ZFHX3: variants seen among roughly 807,000 people sequenced by gnomAD.
ZFHX3 encodes the protein zinc finger homeobox protein 3.
A neutral mutation model predicts 279.1 loss-of-function variants in ZFHX3; 42 were observed. The ratio of observed to expected loss-of-function variants is 0.15; its 90% CI spans 0.12 to 0.19. The LOEUF (loss-of-function observed/expected upper bound fraction) is 0.19. ZFHX3 is among the 10% of genes least tolerant of loss of function. The probability of loss-of-function intolerance (pLI) is 1.00; values close to 1 mark genes in which losing one functional copy is unlikely to be tolerated. For missense variants in ZFHX3, 4,981 were observed against 4,754.0 expected, an observed-to-expected ratio of 1.05 and a Z score of -1.40; for synonymous variants, 2,293 against 1,957.8, an observed-to-expected ratio of 1.17 and a Z score of -4.52.
intron 1 of ZFHX3, among the ~76,000 whole-genome samples, chr16:72,987,365 G>C (rs1458804807): frequency 6.6e-6 from 1 of 152,204 alleles, no homozygotes; most frequent in African/African-American, 2.4e-5. Flanking sequence ...AAAGTAAGAT[G>C]ATGTGGAGGC....
chr16:72,998,216 C>T (rs1257406445), intron 1 of ZFHX3, among the ~76,000 whole-genome samples: 1 of 152,164 alleles, frequency 6.6e-6, no homozygotes, highest in East Asian at 1.9e-4. Context: ...GCCTGGCCAA[C>T]ATGGTGAAAC....
intron 4 of ZFHX3, among the ~76,000 whole-genome samples, chr16:72,880,535 G>A (rs1157810928): frequency 6.6e-6 from 1 of 152,164 alleles, no homozygotes; most frequent in Non-Finnish European, 1.5e-5. Context: ...TGAACCTTTA[G>A]CGTCCAGAAC....
chr16:73,729,613 G>T (rs1195663231), intron 1 of ZFHX3, among the ~76,000 whole-genome samples: 1 of 151,236 alleles, frequency 6.6e-6, no homozygotes, highest in Non-Finnish European at 1.5e-5. Context: ...TCAAATCCTT[G>T]CCCTAAGGTC....
chr16:73,230,198 TAGATGCTAG>T (rs2144929737), intron 5 of ZFHX3, among the ~76,000 whole-genome samples: 1 of 152,284 alleles, frequency 6.6e-6, no homozygotes, highest in East Asian at 1.9e-4. Context: ...GATGAATGAA[TAGATGCTAG>T]AGATTGATGA....
rs1201311213 is a variant in ZFHX3 at position 73,182,943 on chromosome 16, G to A, written c.-1103-39112C>T. 2.0e-5 allele frequency among the ~76,000 whole-genome samples: 3 copies of A among 152,308 alleles called. No homozygotes were observed. In the East Asian group the frequency reaches 5.8e-4, roughly 29 times the overall value. Reference sequence around the variant, plus strand: ...CTTGGGGCCGGGCGTGGTGGCTCACGCCTGTAATCCCAGCACTTTGGAAGG... The same window carrying A: ...CTTGGGGCCGGGCGTGGTGGCTCACACCTGTAATCCCAGCACTTTGGAAGG... On this transcript the variant is annotated intron_variant, in intron 5 of 17. Coordinates refer to the ZFHX3 transcript ENST00000641206.
intron 5 of ZFHX3, among the ~76,000 whole-genome samples, chr16:73,149,821 C>A (rs1966897377): frequency 6.6e-6 from 1 of 152,160 alleles, no homozygotes; most frequent in Admixed American, 6.5e-5. Flanking sequence ...GCTATGTAGA[C>A]TCACAGATGT....
At chr16:73,091,231 C>CG (rs1030014425) in intron 8 of ZFHX3, among the ~76,000 whole-genome samples, 3 of 146,302 alleles carry the variant, frequency 2.1e-5, no homozygotes, top group Admixed American at 6.8e-5. Flanking sequence ...AAAAAGAAAG[C>CG]GGGGAAAAAA....
chr16:73,465,746 G>C (rs968046698), intron 2 of ZFHX3, among the ~76,000 whole-genome samples: 2 of 152,130 alleles, frequency 1.3e-5, no homozygotes, highest in Admixed American at 6.6e-5. Context: ...CTTGTCCCTT[G>C]AGTTCTTCTC....
intron 5 of ZFHX3, among the ~76,000 whole-genome samples, chr16:73,241,928 AC>A (rs974106486): frequency 5.3e-5 from 8 of 151,638 alleles, no homozygotes; most frequent in Non-Finnish European, 1.2e-4. Flanking sequence ...ACGTTGAGTG[AC>A]CCCTTTGAGA....
chr16:72,986,637 C>A (rs991549524), intron 1 of ZFHX3, among the ~76,000 whole-genome samples: 1 of 152,146 alleles, frequency 6.6e-6, no homozygotes, highest in African/African-American at 2.4e-5. Flanking sequence ...ATTGAATTAT[C>A]GGCACCGTCT....
chr16:73,167,364 A>C (rs1044092752), intron 5 of ZFHX3, among the ~76,000 whole-genome samples: 1 of 152,222 alleles, frequency 6.6e-6, no homozygotes, highest in Admixed American at 6.5e-5. Flanking sequence ...TGTCAAACTT[A>C]ATTACAGGAC....
chr16:73,364,987 C>T lies in ZFHX3; in HGVS notation c.-1290-46651G>A, dbSNP rs1015402334. ...CACCCCCTCCTTTTTCATTATCGGCCCTCCTTTGCCATGTGCCCTTGGGGC... is the reference window on the plus strand; with the variant it reads ...CACCCCCTCCTTTTTCATTATCGGCTCTCCTTTGCCATGTGCCCTTGGGGC... On this transcript the variant is annotated intron_variant, in intron 3 of 17. Coordinates refer to the ZFHX3 transcript ENST00000641206. 5.3e-5 allele frequency among the ~76,000 whole-genome samples: 8 copies of T among 152,314 alleles called. No individual in the cohort carries two copies. The South Asian group carries it at 1.5e-3, about 28-fold the overall frequency.
intron 5 of ZFHX3, chr16:73,143,861 G>A (rs183221656): frequency 2.0e-5 from 23 of 1,128,070 alleles, no homozygotes; most frequent in East Asian, 5.9e-5. Flanking sequence ...ACAAAAACAC[G>A]GTTGGGGAGA....
chr16:73,564,179 G>A (rs1427160557), intron 2 of ZFHX3, among the ~76,000 whole-genome samples: 1 of 152,112 alleles, frequency 6.6e-6, no homozygotes, highest in African/African-American at 2.4e-5. Context: ...TGACCTCTGG[G>A]TTTGGTTCAG....
intron 2 of ZFHX3, among the ~76,000 whole-genome samples, chr16:73,501,100 TAG>T (rs1291159913): frequency 6.6e-6 from 1 of 152,228 alleles, no homozygotes; most frequent in African/African-American, 2.4e-5. Flanking sequence ...TAGATATGCT[TAG>T]ATACACAAAT....
At chr16:73,259,992 T>C (rs1231032259) in intron 4 of ZFHX3, among the ~76,000 whole-genome samples, 2 of 152,214 alleles carry the variant, frequency 1.3e-5, no homozygotes, top group African/African-American at 4.8e-5. Context: ...AAATTTTTTT[T>C]TTCCTTTCCC....
At chr16:73,580,722 G>C (rs2051852780) in intron 2 of ZFHX3, among the ~76,000 whole-genome samples, 2 of 151,662 alleles carry the variant, frequency 1.3e-5, no homozygotes, top group African/African-American at 4.9e-5. Flanking sequence ...GTCTCTCTCT[G>C]TCAAGCACTC....
At chr16:73,218,506 T>C (rs1293300388) in intron 5 of ZFHX3, among the ~76,000 whole-genome samples, 1 of 152,208 alleles carries the variant, frequency 6.6e-6, no homozygotes, top group Non-Finnish European at 1.5e-5. Context: ...TGGTGGCTCA[T>C]GCCTGTAATC....
intron 1 of ZFHX3, among the ~76,000 whole-genome samples, chr16:73,769,881 C>T (rs1468297260): frequency 6.6e-6 from 1 of 152,148 alleles, no homozygotes; most frequent in Non-Finnish European, 1.5e-5. Flanking sequence ...AACTCTCTCC[C>T]CACTGCACAG....
Sources: gnomAD v4.1 joint callset for allele counts (sites outside exome capture counted in the v4.1 genomes callset) on GRCh38, gnomAD v4.1.1 for gene constraint, MANE v1.5 for transcripts, NCBI Gene and HGNC (gene_info 2026-07-23, HGNC 2026-07-21) for gene names.